The following KMT2C variants were observed in gnomAD, a reference collection of about 807,000 sequenced individuals.
KMT2C encodes histone-lysine N-methyltransferase 2C.
A neutral mutation model predicts 507.9 loss-of-function variants in KMT2C; 88 were observed. That is an observed-to-expected ratio of 0.17 (90% CI 0.15 to 0.21). The LOEUF (loss-of-function observed/expected upper bound fraction) is 0.21. KMT2C is among the 10% of genes least tolerant of loss of function. KMT2C has a pLI of 1.00. For missense variants in KMT2C, 4,954 were observed against 5,957.8 expected, an observed-to-expected ratio of 0.83 and a Z score of 5.55; for synonymous variants, 2,049 against 2,080.8, an observed-to-expected ratio of 0.98 and a Z score of 0.42.
chr7:152,423,712 G>T (rs1438938813), intron 1 of KMT2C, among the ~76,000 whole-genome samples: 1 of 152,064 alleles, frequency 6.6e-6, no homozygotes, highest in East Asian at 1.9e-4. Context: ...ATTATTACGG[G>T]GTTTTCAATC....
At chr7:152,290,232 G>GTGTGTGTGTGTGTA (rs1269086996) in intron 6 of KMT2C, among the ~76,000 whole-genome samples, 74 of 100,200 alleles carry the variant, frequency 7.4e-4, no homozygotes, top group African/African-American at 3.7e-3. Context: ...GTGTGTGTGT[G>GTGTGTGTGTGTGTA]TGTGTGTGTG....
chr7:152,262,667 A>G (rs1294646047), intron 9 of KMT2C, among the ~76,000 whole-genome samples: 4 of 152,250 alleles, frequency 2.6e-5, no homozygotes, highest in Non-Finnish European at 5.9e-5. Flanking sequence ...AAATAATTAC[A>G]CTGAGTTAAA....
At chr7:152,399,886 GAATA>G (rs1450169847) in intron 1 of KMT2C, among the ~76,000 whole-genome samples, 4 of 151,032 alleles carry the variant, frequency 2.6e-5, no homozygotes, top group Non-Finnish European at 4.4e-5. Context: ...AAAGGTCCAA[GAATA>G]AATAAAGTAG....
intron 38 of KMT2C, among the ~76,000 whole-genome samples, chr7:152,175,426 G>A (rs893726090): frequency 2.6e-5 from 4 of 151,880 alleles, no homozygotes; most frequent in African/African-American, 4.8e-5. Context: ...CCATCAACCC[G>A]TCATCTACAT....
intron 31 of KMT2C, among the ~76,000 whole-genome samples, chr7:152,193,692 A>G (rs1312556116): frequency 2.0e-5 from 3 of 152,172 alleles, no homozygotes; most frequent in Non-Finnish European, 4.4e-5. Context: ...TTCCACACAC[A>G]CACACACAGC....
At chr7:152,319,454 A>C (rs1005073958) in intron 3 of KMT2C, among the ~76,000 whole-genome samples, 6 of 152,182 alleles carry the variant, frequency 3.9e-5, no homozygotes, top group Admixed American at 2.0e-4. Context: ...CCACCAGAGG[A>C]GTCCTTGGTC....
intron 6 of KMT2C, among the ~76,000 whole-genome samples, chr7:152,297,031 A>C (rs962896991): frequency 3.1e-5 from 3 of 97,430 alleles, no homozygotes; most frequent in Non-Finnish European, 5.9e-5. Flanking sequence ...GAAAGAAAGA[A>C]AGAAAGAAAG....
intron 54 of KMT2C, 83 bp downstream of exon 54, chr7:152,145,070 A>T (rs949513019): frequency 6.6e-6 from 10 of 1,518,514 alleles, no homozygotes; most frequent in Non-Finnish European, 6.3e-6. Context: ...CAGGGTTTGT[A>T]AGCAGCAGAC....
intron 25 of KMT2C, among the ~76,000 whole-genome samples, chr7:152,204,175 G>A (rs1454482105): frequency 6.6e-6 from 1 of 152,008 alleles, no homozygotes; most frequent in African/African-American, 2.4e-5. Context: ...GTTCACGCCT[G>A]TAATCCCAGC....
At chr7:152,423,974 A>G (rs968122392) in intron 1 of KMT2C, among the ~76,000 whole-genome samples, 1 of 152,226 alleles carries the variant, frequency 6.6e-6, no homozygotes, top group Non-Finnish European at 1.5e-5. Context: ...TTTAAATACT[A>G]TTTAAAGTCC....
chr7:152,290,258 G>GTATATA (rs746466676), intron 6 of KMT2C, among the ~76,000 whole-genome samples: 428 of 26,180 alleles, frequency 0.016, 5 homozygotes, highest in Non-Finnish European at 0.018. Flanking sequence ...GTGTGTATGT[G>GTATATA]TATATATATA....
chr7:152,258,146 T>G (rs2095693866), intron 9 of KMT2C, among the ~76,000 whole-genome samples: 5 of 152,196 alleles, frequency 3.3e-5, no homozygotes. Context: ...ATTCCAGGGC[T>G]GGGGCACAGG....
In KMT2C at chr7:152,139,220, C is replaced by T; in HGVS notation, c.14500G>A (p.Val4834Met). 6.2e-7 allele frequency: 1 copy of T among 1,614,014 alleles called. No individual in the cohort carries two copies. Among genetic ancestry groups the T allele is most frequent in the Non-Finnish European group, 8.5e-7 (1 of 1,180,032 alleles). ...CCTCCTGTGAGCGTCGCGTCAATCA[C>T]ATGGTCGTTATCCATGCGGAACATG... Reference protein sequence around the residue: ...VYMFRMDNDHVIDATLTGGPA... With the variant: ...VYMFRMDNDHMIDATLTGGPA... Residue 4834 changes from valine to methionine, a missense_variant, in exon 57 of 59, where the codon GTG becomes ATG. Val to Met is a conservative substitution (Grantham distance 21, BLOSUM62 1). Around this residue, in one of 29 missense-constraint regions of KMT2C, gnomAD observed 133 missense variants for 258.9 expected, o/e 0.51. Coordinates refer to ENST00000262189, the MANE Select transcript of KMT2C (RefSeq NM_170606.3).
intron 1 of KMT2C, among the ~76,000 whole-genome samples, chr7:152,433,232 T>C (rs910064422): frequency 6.6e-6 from 1 of 152,160 alleles, no homozygotes; most frequent in Non-Finnish European, 1.5e-5. Context: ...ACTTAAAATA[T>C]CTCTATGAGA....
At chr7:152,358,063 A>G (rs1472038351) in intron 2 of KMT2C, among the ~76,000 whole-genome samples, 3 of 152,172 alleles carry the variant, frequency 2.0e-5, no homozygotes, top group African/African-American at 7.2e-5. Context: ...AATTTTGGAA[A>G]CTGCTTTGGG....
intron 3 of KMT2C, among the ~76,000 whole-genome samples, chr7:152,326,379 A>C (rs1351965309): frequency 6.6e-6 from 1 of 152,036 alleles, no homozygotes; most frequent in Non-Finnish European, 1.5e-5. Flanking sequence ...TTTTCTCTAT[A>C]AAAGTCTTAC....
intron 49 of KMT2C, 133 bp downstream of exon 49, chr7:152,152,572 T>C (rs2091718775): frequency 2.8e-6 from 3 of 1,072,304 alleles, no homozygotes; most frequent in Non-Finnish European, 4.1e-6. Context: ...CACCCACACA[T>C]GGTAAGTTCA....
chr7:152,245,503 AGT>A (rs1295870793), intron 14 of KMT2C, among the ~76,000 whole-genome samples: 1 of 152,146 alleles, frequency 6.6e-6, no homozygotes, highest in Non-Finnish European at 1.5e-5. Flanking sequence ...GTTTTTTTAA[AGT>A]GTAACTACTT....
At chr7:152,205,869 C>A (rs1049837710) in intron 24 of KMT2C, among the ~76,000 whole-genome samples, 4 of 152,106 alleles carry the variant, frequency 2.6e-5, no homozygotes, top group African/African-American at 9.7e-5. Flanking sequence ...AACCGGCTAA[C>A]TGGTACATTA....
Sources: allele counts gnomAD v4.1 joint callset (sites outside exome capture counted in the v4.1 genomes callset), GRCh38; gene constraint gnomAD v4.1.1; regional missense constraint gnomAD v4.1.1; transcripts MANE v1.5; gene names NCBI Gene and HGNC (gene_info 2026-07-23, HGNC 2026-07-21).